The following SLC9A4 variants were observed in gnomAD, a reference collection of about 807,000 sequenced individuals.
SLC9A4 encodes sodium/hydrogen exchanger 4.
A neutral mutation model predicts 67.4 loss-of-function variants in SLC9A4; 63 were observed. That is an observed-to-expected ratio of 0.93 (90% CI 0.76 to 1.15). SLC9A4 has a LOEUF of 1.15. Ranked by LOEUF, SLC9A4 falls within the 50% of genes most tolerant of loss-of-function variation. The pLI, the probability that SLC9A4 is intolerant of heterozygous loss-of-function variation, is 0.00. For synonymous variants in SLC9A4, 393 were observed against 367.2 expected (o/e 1.07, Z -0.80); for missense variants, 1,089 against 987.7 (o/e 1.10, Z -1.38).
chr2:102,495,414 A>C (rs2104426155), intron 2 of SLC9A4, among the ~76,000 whole-genome samples: 1 of 152,212 alleles, frequency 6.6e-6, no homozygotes. Context: ...AAGAGTAAAC[A>C]TTTTTAAGGA....
chr2:102,503,950 C>T (rs963043690), intron 3 of SLC9A4, among the ~76,000 whole-genome samples: 1 of 152,200 alleles, frequency 6.6e-6, no homozygotes, highest in Non-Finnish European at 1.5e-5. Context: ...GCAATTATCA[C>T]GTCAATTTAG....
At chr2:102,501,032 T>G (rs1453852783) in intron 2 of SLC9A4, among the ~76,000 whole-genome samples, 1 of 59,626 alleles carries the variant, frequency 1.7e-5, no homozygotes, top group Non-Finnish European at 2.9e-5. Flanking sequence ...CAATCTCAGC[T>G]CACGGCAACC....
intron 2 of SLC9A4, among the ~76,000 whole-genome samples, chr2:102,480,864 C>T (rs1684447646): frequency 3.3e-5 from 5 of 152,188 alleles, no homozygotes; most frequent in Admixed American, 3.3e-4. Context: ...GAGGAGGATG[C>T]CACATGCCCC....
At chr2:102,506,244 A>G (rs533560690) in intron 4 of SLC9A4, among the ~76,000 whole-genome samples, 5 of 152,344 alleles carry the variant, frequency 3.3e-5, no homozygotes, top group African/African-American at 1.2e-4. Context: ...GAACTACAAT[A>G]TATGTGTTGC....
chr2:102,510,710 A>G (rs1685149483), intron 6 of SLC9A4, among the ~76,000 whole-genome samples: 1 of 152,216 alleles, frequency 6.6e-6, no homozygotes, highest in South Asian at 2.1e-4. Context: ...TCACCGTTCC[A>G]ATGAAATATG....
chr2:102,510,190 T>C lies in SLC9A4; in HGVS notation c.1488+1257T>C, dbSNP rs1162039100. ...GCAGAGCCAGTAGGATGGATGGATA[T>C]AGATATAGATAGATATAGATATAGA... On this transcript the variant is annotated intron_variant, in intron 6 of 11. Transcript: ENST00000295269. 2.1e-5 allele frequency among the ~76,000 whole-genome samples: 3 copies of C among 142,278 alleles called. 1 individual carries two copies. The Middle Eastern group carries it at 0.011, about 516-fold the overall frequency. The allele number at this position is 142,278 out of a possible 152,430, so 93.3% of individuals were successfully genotyped here.
At chr2:102,521,888 T>A (rs1333822894) in intron 9 of SLC9A4, among the ~76,000 whole-genome samples, 1 of 152,150 alleles carries the variant, frequency 6.6e-6, no homozygotes, top group Non-Finnish European at 1.5e-5. Flanking sequence ...ATGCAGAGTT[T>A]GACTCTGGGC....
At chr2:102,520,504 G>T (rs909768624) in intron 9 of SLC9A4, among the ~76,000 whole-genome samples, 8 of 152,188 alleles carry the variant, frequency 5.3e-5, no homozygotes, top group African/African-American at 1.9e-4. Flanking sequence ...AGATTTCTGA[G>T]GACACTGGAT....
intron 2 of SLC9A4, among the ~76,000 whole-genome samples, chr2:102,480,446 C>T (rs932623464): frequency 7.2e-5 from 11 of 151,830 alleles, no homozygotes; most frequent in African/African-American, 2.4e-4. Flanking sequence ...TCACTGCAAC[C>T]GTGTCTGGCC....
chr2:102,479,116 C>T lies in SLC9A4; in HGVS notation c.534C>T (p.Tyr178=). 1 of 1,614,190 alleles carries T rather than the reference C, an allele frequency of 6.2e-7. No individual in the cohort carries two copies. Among genetic ancestry groups the T allele is most frequent in the Non-Finnish European group, 8.5e-7 (1 of 1,180,008 alleles). ...INALGIGLSL[Y]LICQVKAFGL... ...CCTTGGGCATTGGCCTCTCCCTCTACCTCATCTGCCAGGTGAAGGCCTTTG... is the reference window on the plus strand; with the variant it reads ...CCTTGGGCATTGGCCTCTCCCTCTATCTCATCTGCCAGGTGAAGGCCTTTG... Residue 178 remains tyrosine, a synonymous_variant, in exon 2 of 12, where the codon TAC becomes TAT. Coordinates refer to ENST00000295269, the MANE Select transcript of SLC9A4 (RefSeq NM_001011552.4).
At chr2:102,487,492 G>T (rs975507791) in intron 2 of SLC9A4, among the ~76,000 whole-genome samples, 1 of 152,306 alleles carries the variant, frequency 6.6e-6, no homozygotes, top group Middle Eastern at 3.4e-3. Context: ...CCTGAGGGGT[G>T]TGGGCTAATC....
chr2:102,481,706 T>A (rs563432305), intron 2 of SLC9A4, among the ~76,000 whole-genome samples: 1 of 152,298 alleles, frequency 6.6e-6, no homozygotes, highest in East Asian at 1.9e-4. Flanking sequence ...TAAATTTTTT[T>A]AGATTATGGT....
chr2:102,491,010 C>A (rs1684686825), intron 2 of SLC9A4, among the ~76,000 whole-genome samples: 1 of 152,124 alleles, frequency 6.6e-6, no homozygotes, highest in Admixed American at 6.6e-5. Flanking sequence ...ATGCCCCATT[C>A]TGGAAATGAC....
At chr2:102,493,303 G>T (rs1157658283) in intron 2 of SLC9A4, among the ~76,000 whole-genome samples, 5 of 151,900 alleles carry the variant, frequency 3.3e-5, no homozygotes, top group African/African-American at 1.2e-4. Flanking sequence ...CCAATTTACT[G>T]CATTAGTCCA....
Position 102,514,399 on chromosome 2 carries a change from G to A in SLC9A4, c.1721+148G>A, listed in dbSNP as rs148398809. 272 of 529,600 alleles carry A rather than the reference G, an allele frequency of 5.1e-4. 1 individual carries two copies. The East Asian group carries it at 9.0e-3, about 17-fold the overall frequency. The allele number at this position is 529,600 out of a possible 1,614,324, so 32.8% of individuals were successfully genotyped here. On this transcript the variant is annotated intron_variant, in intron 8 of 11. Transcript: ENST00000295269. Reference sequence around the variant, plus strand: ...TTTAAAATATGTAATCTAAGTCTTGGCATTTTTATGGCTTGGCCCAAGCTC... The same window carrying A: ...TTTAAAATATGTAATCTAAGTCTTGACATTTTTATGGCTTGGCCCAAGCTC...
chr2:102,497,321 A>G (rs1684831040), intron 2 of SLC9A4, among the ~76,000 whole-genome samples: 1 of 152,210 alleles, frequency 6.6e-6, no homozygotes, highest in African/African-American at 2.4e-5. Flanking sequence ...TCCTAGGTAT[A>G]TACGCAAGAG....
At chr2:102,506,275 T>C (rs1685048447) in intron 4 of SLC9A4, among the ~76,000 whole-genome samples, 1 of 152,222 alleles carries the variant, frequency 6.6e-6, no homozygotes, top group Admixed American at 6.5e-5. Flanking sequence ...AAAGCAAATC[T>C]ATTTTTAAGT....
intron 1 of SLC9A4, among the ~76,000 whole-genome samples, chr2:102,478,207 A>G (rs1465811174): frequency 6.6e-6 from 1 of 152,234 alleles, no homozygotes; most frequent in Non-Finnish European, 1.5e-5. Flanking sequence ...GAAATCCTAA[A>G]TAAAGGCAGT....
chr2:102,511,203 C>G (rs1438094342), intron 6 of SLC9A4, among the ~76,000 whole-genome samples: 11 of 152,164 alleles, frequency 7.2e-5, no homozygotes, highest in Admixed American at 7.2e-4. Flanking sequence ...AGTTCATGGT[C>G]AAAGTGACCT....
Sources: gnomAD v4.1 joint callset for allele counts (sites outside exome capture counted in the v4.1 genomes callset) on GRCh38, gnomAD v4.1.1 for gene constraint, MANE v1.5 for transcripts, NCBI Gene and HGNC (gene_info 2026-07-23, HGNC 2026-07-21) for gene names.